PKIB: variants seen among roughly 807,000 people sequenced by gnomAD.
PKIB encodes PKI-beta.
In PKIB, 2 loss-of-function variants were observed where a neutral mutation model predicts 4.5. The observed-to-expected ratio is 0.44, with a 90% CI of 0.18 to 1.39. The LOEUF (loss-of-function observed/expected upper bound fraction) is 1.39, where lower values mean the gene tolerates loss of function less well. Among genes scored for constraint, PKIB ranks in the 40% most tolerant of loss-of-function variants. PKIB has a pLI of 0.27. For synonymous variants in PKIB, 38 were observed against 36.0 expected, an observed-to-expected ratio of 1.06 and a Z score of -0.20; for missense variants, 94 against 92.6, an observed-to-expected ratio of 1.02 and a Z score of -0.06.
At chr6:122,623,051 G>A (rs1037730911) in intron 1 of PKIB, among the ~76,000 whole-genome samples, 1 of 152,146 alleles carries the variant, frequency 6.6e-6, no homozygotes, top group Non-Finnish European at 1.5e-5. Context: ...TTAAGCCAGA[G>A]CAAACATTTA....
chr6:122,653,113 C>A (rs1185045859), intron 2 of PKIB, among the ~76,000 whole-genome samples: 1 of 152,112 alleles, frequency 6.6e-6, no homozygotes, highest in African/African-American at 2.4e-5. Context: ...AGGAAGAATT[C>A]TAGGATTGGA....
At chr6:122,599,068 G>A (rs1313563652) in intron 3 of PKIB, among the ~76,000 whole-genome samples, 4 of 152,210 alleles carry the variant, frequency 2.6e-5, no homozygotes, top group South Asian at 2.1e-4. Flanking sequence ...GCTTAGTCTC[G>A]TTATATGTCT....
At chr6:122,595,087 G>A (rs899129931) in intron 3 of PKIB, among the ~76,000 whole-genome samples, 25 of 152,244 alleles carry the variant, frequency 1.6e-4, no homozygotes, top group Admixed American at 8.5e-4. Context: ...GTAATGTTGC[G>A]GGAACAGGAA....
At chr6:122,509,070 T>G (rs1276993359) in intron 2 of PKIB, among the ~76,000 whole-genome samples, 3 of 152,136 alleles carry the variant, frequency 2.0e-5, no homozygotes, top group Admixed American at 6.5e-5. Context: ...AATACTGTAA[T>G]TACTGTTTGT....
At chr6:122,606,138 T>C (rs1416328566), upstream of PKIB, among the ~76,000 whole-genome samples, 1 of 152,188 alleles carries the variant, frequency 6.6e-6, no homozygotes, top group Non-Finnish European at 1.5e-5. Flanking sequence ...CAAAATCCAA[T>C]GACAAATGTC....
At chr6:122,642,816 G>A (rs180977644) in intron 2 of PKIB, among the ~76,000 whole-genome samples, 1 of 152,284 alleles carries the variant, frequency 6.6e-6, no homozygotes, top group Non-Finnish European at 1.5e-5. Context: ...ATACAGGCCT[G>A]CAATTTCCTT....
intron 3 of PKIB, 104 bp from the exon 4 acceptor site, chr6:122,717,683 C>G (rs1257010372): frequency 9.0e-7 from 1 of 1,111,558 alleles, no homozygotes; most frequent in East Asian, 2.4e-5. Context: ...TGATTAGACT[C>G]TCAAGCCTGT....
intron 3 of PKIB, among the ~76,000 whole-genome samples, chr6:122,695,230 T>C (rs987094120): frequency 3.3e-5 from 5 of 152,144 alleles, no homozygotes; most frequent in Admixed American, 1.3e-4. Context: ...GAGGCAAAAC[T>C]AACACACCTT....
chr6:122,605,155 C>A (rs1359146750), intron 3 of PKIB, among the ~76,000 whole-genome samples: 6 of 152,304 alleles, frequency 3.9e-5, no homozygotes, highest in Non-Finnish European at 8.8e-5. Flanking sequence ...TACTTAGTGG[C>A]CTTTCAAAGA....
At chr6:122,581,245 C>T (rs926352392) in intron 2 of PKIB, among the ~76,000 whole-genome samples, 19 of 152,118 alleles carry the variant, frequency 1.2e-4, no homozygotes, top group African/African-American at 3.4e-4. Flanking sequence ...AGGTCTGAAG[C>T]AATTTCTTGG....
At chr6:122,568,261 A>G (rs1773252078) in intron 2 of PKIB, among the ~76,000 whole-genome samples, 1 of 152,238 alleles carries the variant, frequency 6.6e-6, no homozygotes, top group Non-Finnish European at 1.5e-5. Flanking sequence ...AATAGTGTGT[A>G]GAGATTCACA....
intron 2 of PKIB, among the ~76,000 whole-genome samples, chr6:122,484,954 C>A (rs968419456): frequency 5.3e-5 from 8 of 152,182 alleles, no homozygotes; most frequent in African/African-American, 1.9e-4. Context: ...ACCACTCTTA[C>A]ACTGCCTCGT....
At chr6:122,672,635 G>T (rs933074517) in intron 2 of PKIB, among the ~76,000 whole-genome samples, 1 of 151,906 alleles carries the variant, frequency 6.6e-6, no homozygotes, top group Admixed American at 6.6e-5. Context: ...ATTCTGCATC[G>T]TACACTGAGG....
chr6:122,538,210 T>C (rs1045404137), intron 2 of PKIB, among the ~76,000 whole-genome samples: 95 of 152,254 alleles, frequency 6.2e-4, no homozygotes, highest in African/African-American at 2.1e-3. Context: ...ATTTTGGCTT[T>C]TGTTGCCATT....
At chr6:122,716,779 T>TAAAAA (rs1024243908) in intron 3 of PKIB, among the ~76,000 whole-genome samples, 22 of 152,288 alleles carry the variant, frequency 1.4e-4, no homozygotes, top group Middle Eastern at 3.4e-3. Flanking sequence ...CTGCCCTTTT[T>TAAAAA]AGGTATCACA....
intron 4 of PKIB, among the ~76,000 whole-genome samples, chr6:122,721,144 G>A (rs994908898): frequency 2.0e-4 from 31 of 152,150 alleles, no homozygotes; most frequent in Non-Finnish European, 7.3e-5. Flanking sequence ...GAAAGACGGA[G>A]CCTTAGAAGT....
intron 2 of PKIB, among the ~76,000 whole-genome samples, chr6:122,583,871 C>G (rs902852050): frequency 1.3e-5 from 2 of 152,098 alleles, no homozygotes; most frequent in African/African-American, 4.8e-5. Context: ...GCTTGTCAGA[C>G]TTCCTTTTTT....
At chr6:122,690,733 G>A (rs751176436) in intron 3 of PKIB, among the ~76,000 whole-genome samples, 21 of 151,170 alleles carry the variant, frequency 1.4e-4, no homozygotes, top group African/African-American at 3.4e-4. Flanking sequence ...ATTTTTCTGC[G>A]TGCTTATTAG....
chr6:122,681,371 G>C (rs1777889103), intron 3 of PKIB, among the ~76,000 whole-genome samples: 1 of 152,064 alleles, frequency 6.6e-6, no homozygotes, highest in Non-Finnish European at 1.5e-5. Context: ...ATTTATATTT[G>C]ATCATTTGGT....
Sources: allele counts gnomAD v4.1 joint callset (sites outside exome capture counted in the v4.1 genomes callset), GRCh38; gene constraint gnomAD v4.1.1; transcripts MANE v1.5; gene names NCBI Gene and HGNC (gene_info 2026-07-23, HGNC 2026-07-21).